Variants in CCDC110 observed in about 807,000 individuals in gnomAD.
CCDC110 encodes the protein coiled-coil domain containing 110.
Under a neutral mutation model 77.1 loss-of-function variants are expected in CCDC110, and 70 were observed. The observed-to-expected ratio is 0.91, with a 90% CI of 0.75 to 1.11. The LOEUF (loss-of-function observed/expected upper bound fraction) is 1.11. Among genes scored for constraint, CCDC110 ranks in the 50% least tolerant of loss-of-function variants. The pLI is 0.00. For missense variants in CCDC110, 868 were observed against 942.9 expected (o/e 0.92, Z 1.04); for synonymous variants, 295 against 312.5 (o/e 0.94, Z 0.59).
intron 1 of CCDC110, among the ~76,000 whole-genome samples, chr4:185,471,347 A>G (rs1276692404): frequency 3.7e-5 from 2 of 54,574 alleles, no homozygotes; most frequent in African/African-American, 6.1e-5. Context: ...TCAAGGCTGA[A>G]GGCTGGGGCG....
chr4:185,458,967 C>T lies in CCDC110; in HGVS notation c.1620G>A (p.Met540Ile), dbSNP rs991334714. The change falls in exon 6 of 7, where the codon ATG becomes ATA. Residue 540 changes from methionine to isoleucine, a missense_variant. Transcript: ENST00000307588. ...TACTTTTTAGTTGATCTAATGCTTC[C>T]ATCATTTGTTGCTTCTCTAAAGAAA... is the stretch of plus-strand genomic sequence containing the variant. The part of the protein sequence containing the change: ...IQLSLEKQQM[M>I]EALDQLKSKE... 2 of 1,606,314 alleles carry T rather than the reference C, an allele frequency of 1.2e-6. No homozygotes were observed. Among genetic ancestry groups the T allele is most frequent in the Non-Finnish European group, 1.7e-6 (2 of 1,177,972 alleles).
rs889446464 is a variant in CCDC110 at position 185,462,774 on chromosome 4, T to G, written c.172-66A>C. Reference sequence around the variant, plus strand: ...AGGTAAACGTATTCTTGAATTGTTATGATTTTATGTCTCCCAAAGTTGCCT... The same window carrying G: ...AGGTAAACGTATTCTTGAATTGTTAGGATTTTATGTCTCCCAAAGTTGCCT... On this transcript the variant is annotated intron_variant, in intron 3 of 6. Coordinates refer to ENST00000307588, the MANE Select transcript of CCDC110 (RefSeq NM_152775.4). The G allele has an allele frequency of 1.5e-5, 20 of 1,372,434 alleles. No individual in the cohort carries two copies. The African/African-American group carries it at 2.7e-4, about 19-fold the overall frequency. The allele number at this position is 1,372,434 out of a possible 1,614,324, so 85.0% of individuals were successfully genotyped here.
chr4:185,457,033 C>A (rs942761340), intron 6 of CCDC110: 19 of 256,848 alleles, frequency 7.4e-5, no homozygotes, highest in Non-Finnish European at 1.0e-4. Context: ...CAAATTGAAT[C>A]CAGGAATGTA....
At chr4:185,449,736 C>A in intron 6 of CCDC110, 1 of 828,776 alleles carries the variant, frequency 1.2e-6, no homozygotes, top group Non-Finnish European at 1.8e-6. Context: ...TGTTATGGAG[C>A]AGATAGCTCA....
rs148709223 is a variant in CCDC110 at position 185,452,200 on chromosome 4, C to T, written c.2461+5926G>A. The T allele has an allele frequency of 1.8e-5, 18 of 985,314 alleles. No individual in the cohort carries two copies. The East Asian group carries it at 6.8e-4, about 37-fold the overall frequency. 61.0% of individuals were successfully genotyped at this position (985,314 alleles called of 1,614,324 possible). A position where few individuals can be genotyped will look rare whatever the true frequency, so the allele number is the denominator to read the frequency against. ...TCCTCAGACTCAGCCATGACACTGG[C>T]GTCCTCTATTGACAACTTACACATC... On this transcript the variant is annotated intron_variant, in intron 6 of 6. Coordinates refer to ENST00000307588, the MANE Select transcript of CCDC110 (RefSeq NM_152775.4).
chr4:185,467,769 A>G (rs1580202112), intron 2 of CCDC110, among the ~76,000 whole-genome samples: 1 of 152,228 alleles, frequency 6.6e-6, no homozygotes, highest in East Asian at 1.9e-4. Context: ...ATACATTCTG[A>G]AAATGCAACA....
chr4:185,445,198 A>C lies in CCDC110; in HGVS notation c.*304T>G, dbSNP rs2095606867. ...GTTTCCAACTTTTATACTTCTTCAA[A>C]ATAGTATCTTTTATTTATATATACT... On this transcript the variant is annotated 3_prime_UTR_variant, in exon 7 of 7. Transcript: ENST00000307588. 5.4e-6 allele frequency: 7 copies of C among 1,294,742 alleles called. No homozygotes were observed. Among genetic ancestry groups the C allele is most frequent in the Non-Finnish European group, 6.4e-6 (6 of 937,678 alleles). The allele number at this position is 1,294,742 out of a possible 1,614,324, so 80.2% of individuals were successfully genotyped here.
At position 185,459,362 on chromosome 4, in the gene CCDC110, A is replaced by T. The variant is rs144243929; in HGVS notation, c.1225T>A (p.Ser409Thr). The T allele has an allele frequency of 1.1e-5, 18 of 1,611,356 alleles. No homozygotes were observed. The East Asian group carries it at 3.3e-4, about 30-fold the overall frequency. Residue 409 changes from serine (S) to threonine (T), a missense_variant, in exon 6 of 7, where the codon TCT (serine) becomes ACT (threonine). Physicochemically the swap from Ser to Thr is moderately conservative, Grantham distance 58. Transcript: ENST00000307588. Reference protein sequence around the residue: ...PFLVKQGSIISENEKTSKVNS... With the variant: ...PFLVKQGSIITENEKTSKVNS... ...ACTTTGGAAGTTTTCTCATTTTCAG[A>T]TATTATTGATCCTTGTTTTACTAGA...
chr4:185,458,576 T>A lies in CCDC110; in HGVS notation c.2011A>T (p.Thr671Ser). 6.2e-7 allele frequency: 1 copy of A among 1,608,452 alleles called. No individual in the cohort carries two copies. The highest frequency in any genetic ancestry group is 1.3e-5 in the African/African-American group (1 of 75,036). ...EIENIQTYQS[T>S]AEENFLQEIK... ...TCTTGCAGAAAATTCTCTTCGGCAG[T>A]AGATTGGTAGGTTTGAATATTCTCA... The change falls in exon 6 of 7, where the codon ACT (threonine) becomes TCT (serine). Residue 671 changes from threonine (T) to serine (S), a missense_variant. Transcript: ENST00000307588.
Position 185,458,956 on chromosome 4 carries a change from T to G in CCDC110, c.1631A>C (p.Asp544Ala). 1 of 1,607,290 alleles carries G rather than the reference T, an allele frequency of 6.2e-7. No homozygotes were observed. The highest frequency in any genetic ancestry group is 8.5e-7 in the Non-Finnish European group (1 of 1,178,136). The change falls in exon 6 of 7, where the codon GAT becomes GCT. Residue 544 changes from aspartate (D) to alanine (A), a missense_variant. Coordinates refer to ENST00000307588, the MANE Select transcript of CCDC110 (RefSeq NM_152775.4). ...TTTGTGTTCCTTACTTTTTAGTTGA[T>G]CTAATGCTTCCATCATTTGTTGCTT... ...LEKQQMMEALDQLKSKEHKTQ... is the reference protein window; with the variant it reads ...LEKQQMMEALAQLKSKEHKTQ...
rs766975646 is a variant in CCDC110 at position 185,459,033 on chromosome 4, C to T, written c.1554G>A (p.Leu518=). ...FKKIISKYNV[L]QGQNKTLEEK... is the part of the protein sequence containing the mutation. ...CCTCTAGAGTTTTATTTTGGCCTTG[C>T]AGAACATTATATTTACTAATTATTT... The change falls in exon 6 of 7, where the codon CTG becomes CTA. Residue 518 remains leucine (L), a synonymous_variant. Transcript: ENST00000307588. The T allele has an allele frequency of 3.2e-6, 5 of 1,583,500 alleles. No individual in the cohort carries two copies. Among genetic ancestry groups the T allele is most frequent in the African/African-American group, 2.7e-5 (2 of 73,630 alleles).
At chr4:185,466,121 A>G (rs1379345143) in intron 2 of CCDC110, among the ~76,000 whole-genome samples, 1 of 152,136 alleles carries the variant, frequency 6.6e-6, no homozygotes, top group Non-Finnish European at 1.5e-5. Context: ...CGCACCTGTA[A>G]TCCCAGCACT....
At chr4:185,461,571 G>A (rs2095646517) in intron 4 of CCDC110, among the ~76,000 whole-genome samples, 2 of 152,118 alleles carry the variant, frequency 1.3e-5, no homozygotes, top group East Asian at 3.8e-4. Flanking sequence ...ATATGTGTGT[G>A]TTACATACCC....
chr4:185,458,917 A>C lies in CCDC110; in HGVS notation c.1670T>G (p.Met557Arg), dbSNP rs780496013. Reference protein sequence around the residue: ...KSKEHKTQSDMAIVNNENNRM... With the variant: ...KSKEHKTQSDRAIVNNENNRM... The stretch of plus-strand genomic sequence containing the variant: ...ATTATTTTCATTATTTACAATGGCC[A>C]TATCACTTTGAGTTTTGTGTTCCTT... Residue 557 changes from methionine to arginine, a missense_variant, in exon 6 of 7, where the codon ATG (methionine) becomes AGG (arginine). Physicochemically the swap from Met to Arg is moderately conservative, Grantham distance 91 (BLOSUM62 -1). Coordinates refer to ENST00000307588, the MANE Select transcript of CCDC110 (RefSeq NM_152775.4). 2 of 1,608,882 alleles carry C rather than the reference A, an allele frequency of 1.2e-6. No individual in the cohort carries two copies. Among genetic ancestry groups the C allele is most frequent in the African/African-American group, 2.7e-5 (2 of 74,734 alleles).
Position 185,459,654 on chromosome 4 carries a change from T to A in CCDC110, c.933A>T (p.Arg311Ser), listed in dbSNP as rs1223915274. 8 of 1,611,078 alleles carry A rather than the reference T, an allele frequency of 5.0e-6. No homozygotes were observed. Among genetic ancestry groups the A allele is most frequent in the Non-Finnish European group, 5.1e-6 (6 of 1,179,142 alleles). ...GNLNEDIKSK[R>S]ISELEALVKK... ...TCACTAATGCCTCTAATTCTGAAAT[T>A]CTCTTTGATTTTATATCTTCATTTA... is the stretch of plus-strand genomic sequence containing the variant. Residue 311 changes from arginine to serine, a missense_variant, in exon 6 of 7, where the codon AGA becomes AGT. Arg to Ser is a moderately radical substitution (Grantham distance 110, BLOSUM62 -1). Transcript: ENST00000307588.
rs781707662 is a variant in CCDC110, at chr4:185,463,028, G to A, written c.137C>T (p.Ser46Leu). The change falls in exon 3 of 7, where the codon TCA (serine) becomes TTA (leucine). Residue 46 changes from serine (S) to leucine (L), a missense_variant. Ser to Leu is a moderately radical substitution (Grantham distance 145). Transcript: ENST00000307588. ...TGATTGTGGTTGGATTTGATTTTCTGATTCTGCTATGCAGCCATATTCTAA... is the reference window on the plus strand; with the variant it reads ...TGATTGTGGTTGGATTTGATTTTCTAATTCTGCTATGCAGCCATATTCTAA... The part of the protein sequence containing the change: ...SDTEYGCIAE[S>L]ENQIQPQSAL... The A allele has an allele frequency of 6.2e-7, 1 of 1,613,562 alleles. No homozygotes were observed. The highest frequency in any genetic ancestry group is 1.3e-5 in the African/African-American group (1 of 75,034).
chr4:185,465,942 G>C (rs1327604663), intron 2 of CCDC110, among the ~76,000 whole-genome samples: 2 of 152,192 alleles, frequency 1.3e-5, no homozygotes, highest in African/African-American at 4.8e-5. Context: ...GAAAACAGTA[G>C]AGTAGGAACA....
At chr4:185,464,064 C>T (rs1345160606) in intron 2 of CCDC110, among the ~76,000 whole-genome samples, 1 of 152,144 alleles carries the variant, frequency 6.6e-6, no homozygotes, top group African/African-American at 2.4e-5. Context: ...TCTTTGTCTG[C>T]ATGTTAGGCT....
chr4:185,457,016 A>G (rs1427883901), intron 6 of CCDC110: 5 of 248,670 alleles, frequency 2.0e-5, no homozygotes, highest in South Asian at 1.7e-4. Flanking sequence ...CCTTAACAAA[A>G]TATTACCAAA....
Sources: allele counts gnomAD v4.1 joint callset (sites outside exome capture counted in the v4.1 genomes callset), GRCh38; gene constraint gnomAD v4.1.1; transcripts MANE v1.5; gene names NCBI Gene and HGNC (gene_info 2026-07-23, HGNC 2026-07-21).